The following FOXP1 variants were observed in gnomAD, a reference collection of about 807,000 sequenced individuals.
The protein encoded by FOXP1 is forkhead box P1, also known as forkhead box protein P1.
FOXP1 carries 15 observed loss-of-function variants against 98.2 expected under a neutral mutation model. The ratio of observed to expected loss-of-function variants is 0.15; its 90% CI spans 0.10 to 0.24. The LOEUF (loss-of-function observed/expected upper bound fraction) is 0.24, where lower values mean the gene tolerates loss of function less well. Ranked by LOEUF, FOXP1 falls within the 10% of genes least tolerant of loss-of-function variation. FOXP1 has a pLI of 1.00. For missense variants in FOXP1, 633 were observed against 848.5 expected (o/e 0.75, Z 3.15); for synonymous variants, 371 against 314.5 (o/e 1.18, Z -1.90).
At chr3:71,273,269 A>G (rs2070562935) in intron 5 of FOXP1, among the ~76,000 whole-genome samples, 1 of 152,236 alleles carries the variant, frequency 6.6e-6, no homozygotes, top group South Asian at 2.1e-4. Context: ...AAGTCTAACT[A>G]ACAATCAAAT....
intron 6 of FOXP1, among the ~76,000 whole-genome samples, chr3:71,121,272 T>C (rs2058746588): frequency 6.6e-6 from 1 of 151,804 alleles, no homozygotes; most frequent in Non-Finnish European, 1.5e-5. Context: ...GCAAACCCTG[T>C]ATCCGCTTGC....
intron 9 of FOXP1, among the ~76,000 whole-genome samples, chr3:71,049,702 T>C (rs571676957): frequency 6.6e-6 from 1 of 152,232 alleles, no homozygotes; most frequent in African/African-American, 2.4e-5. Flanking sequence ...ACTCAGTAAA[T>C]TAACATACTT....
At chr3:71,072,188 A>G (rs2053326827) in intron 7 of FOXP1, among the ~76,000 whole-genome samples, 2 of 152,122 alleles carry the variant, frequency 1.3e-5, no homozygotes, top group Admixed American at 6.5e-5. Context: ...CAGGCATGGC[A>G]TGCATCTGTA....
chr3:71,049,794 T>C lies in FOXP1; in HGVS notation c.511-2699A>G, dbSNP rs554315625. On this transcript the variant is annotated intron_variant, in intron 9 of 20. Coordinates refer to ENST00000649528, the MANE Select transcript of FOXP1 (RefSeq NM_001349338.3). ...CATCATGAAAATGCTACCGTGTGACTCCATCTCATTTTAGCACAAAAGGAC... is the reference window on the plus strand; with the variant it reads ...CATCATGAAAATGCTACCGTGTGACCCCATCTCATTTTAGCACAAAAGGAC... Among the ~76,000 whole-genome samples the C allele has an allele frequency of 2.3e-4, 35 of 152,180 alleles. No individual in the cohort carries two copies. In the South Asian group the frequency reaches 7.1e-3, roughly 31 times the overall value.
intron 4 of FOXP1, among the ~76,000 whole-genome samples, chr3:71,303,653 T>C (rs1472561505): frequency 6.6e-6 from 1 of 152,160 alleles, no homozygotes; most frequent in Non-Finnish European, 1.5e-5. Context: ...TTATTTTCTA[T>C]AGTGAAGAAA....
intron 3 of FOXP1, among the ~76,000 whole-genome samples, chr3:71,448,847 T>C (rs1311008809): frequency 6.6e-6 from 1 of 152,226 alleles, no homozygotes; most frequent in East Asian, 1.9e-4. Flanking sequence ...CTTAGAAACC[T>C]GCTTAGCAAA....
intron 12 of FOXP1, among the ~76,000 whole-genome samples, chr3:71,010,726 G>T (rs2043468021): frequency 6.6e-6 from 1 of 152,090 alleles, no homozygotes; most frequent in South Asian, 2.1e-4. Flanking sequence ...GCGTAGACTA[G>T]AGAATTTTGG....
chr3:71,323,598 T>C (rs1292739371), intron 4 of FOXP1, among the ~76,000 whole-genome samples: 1 of 152,088 alleles, frequency 6.6e-6, no homozygotes, highest in Non-Finnish European at 1.5e-5. Context: ...AGTTCAGTTT[T>C]AGATGCATTG....
chr3:71,289,105 G>A (rs1167130465), intron 5 of FOXP1, among the ~76,000 whole-genome samples: 1 of 152,000 alleles, frequency 6.6e-6, no homozygotes, highest in Non-Finnish European at 1.5e-5. Context: ...TGCGATCTTG[G>A]TTCACTGCAA....
intron 7 of FOXP1, among the ~76,000 whole-genome samples, chr3:71,064,132 C>T (rs2051990377): frequency 6.6e-6 from 1 of 152,178 alleles, no homozygotes; most frequent in Admixed American, 6.5e-5. Context: ...TTAGAATCCC[C>T]AACCTGCCAG....
chr3:71,304,463 C>T (rs551537369), intron 4 of FOXP1, among the ~76,000 whole-genome samples: 1 of 152,260 alleles, frequency 6.6e-6, no homozygotes, highest in African/African-American at 2.4e-5. Context: ...CCAACCCCCA[C>T]AAATGTTAAA....
At chr3:70,967,718 T>TTG (rs2035242224) in intron 19 of FOXP1, among the ~76,000 whole-genome samples, 2 of 141,862 alleles carry the variant, frequency 1.4e-5, no homozygotes, top group African/African-American at 5.3e-5. Context: ...TTGTTTTTTT[T>TTG]TTTTTTTTTT....
At chr3:71,540,058 C>A (rs1032763445) in intron 2 of FOXP1, among the ~76,000 whole-genome samples, 4 of 152,182 alleles carry the variant, frequency 2.6e-5, no homozygotes, top group Non-Finnish European at 2.9e-5. Context: ...AATAAATATG[C>A]CCTTAAATAT....
At chr3:71,261,656 C>T (rs939048573) in intron 5 of FOXP1, among the ~76,000 whole-genome samples, 2 of 151,942 alleles carry the variant, frequency 1.3e-5, no homozygotes, top group African/African-American at 4.8e-5. Context: ...GAAATAATCT[C>T]GAACAATTGT....
chr3:71,015,517 A>T (rs1221165640), intron 12 of FOXP1, 32 bp downstream of exon 12: 5 of 1,490,682 alleles, frequency 3.4e-6, no homozygotes, highest in Non-Finnish European at 4.7e-6. Context: ...TTGGCTATGT[A>T]AAAGAAGAAA....
intron 3 of FOXP1, among the ~76,000 whole-genome samples, chr3:71,407,513 A>G (rs946942841): frequency 2.0e-5 from 3 of 152,144 alleles, no homozygotes; most frequent in African/African-American, 7.2e-5. Flanking sequence ...AGATTAGCCC[A>G]TGTTTCTTAA....
At chr3:71,360,092 T>A (rs1431518874) in intron 3 of FOXP1, among the ~76,000 whole-genome samples, 1 of 152,174 alleles carries the variant, frequency 6.6e-6, no homozygotes, top group Non-Finnish European at 1.5e-5. Context: ...CATGCTCGGC[T>A]TATAATTTCT....
intron 5 of FOXP1, among the ~76,000 whole-genome samples, chr3:71,209,299 G>A (rs886986171): frequency 6.6e-6 from 1 of 152,172 alleles, no homozygotes; most frequent in African/African-American, 2.4e-5. Context: ...CAGTAACTCT[G>A]CATTCATTTC....
At chr3:71,366,633 T>C (rs574960318) in intron 3 of FOXP1, among the ~76,000 whole-genome samples, 3 of 152,242 alleles carry the variant, frequency 2.0e-5, no homozygotes, top group Non-Finnish European at 2.9e-5. Flanking sequence ...AACAATGGTT[T>C]TGACTTTAAA....
Sources: allele counts gnomAD v4.1 joint callset (sites outside exome capture counted in the v4.1 genomes callset), GRCh38; gene constraint gnomAD v4.1.1; transcripts MANE v1.5; gene names NCBI Gene and HGNC (gene_info 2026-07-23, HGNC 2026-07-21).